The following UBXN2A variants were observed in gnomAD, a reference collection of about 807,000 sequenced individuals.
UBXN2A encodes the protein UBX domain protein 2A.
Under a neutral mutation model 28.4 loss-of-function variants are expected in UBXN2A, and 28 were observed. The observed-to-expected ratio is 0.99, with a 90% confidence interval of 0.73 to 1.35. The LOEUF (loss-of-function observed/expected upper bound fraction) is 1.35, where lower values mean the gene tolerates loss of function less well. Among genes scored for constraint, UBXN2A ranks in the 40% most tolerant of loss-of-function variants. The pLI, the probability that UBXN2A is intolerant of heterozygous loss-of-function variation, is 0.00. For missense variants in UBXN2A, 253 were observed against 297.9 expected (o/e 0.85, Z 1.11); for synonymous variants, 97 against 103.6 (o/e 0.94, Z 0.39).
intron 4 of UBXN2A, among the ~76,000 whole-genome samples, chr2:23,977,982 C>T (rs919571827): frequency 6.6e-6 from 1 of 152,036 alleles, no homozygotes; most frequent in African/African-American, 2.4e-5. Flanking sequence ...CGGGTGTGTG[C>T]CACCATGCCC....
At chr2:23,947,845 CA>C (rs974840805) in intron 1 of UBXN2A, among the ~76,000 whole-genome samples, 2 of 151,944 alleles carry the variant, frequency 1.3e-5, no homozygotes, top group South Asian at 2.1e-4. Flanking sequence ...GTATATAAAA[CA>C]TTTTTTTTTA....
chr2:23,984,821 A>C lies in UBXN2A; in HGVS notation c.574A>C (p.Ile192Leu), dbSNP rs745819152. The part of the protein sequence containing the change: ...NGKRIVQKFN[I>L]THRVSHIKDF... Reference sequence around the variant, plus strand: ...AAAAAGGATTGTCCAGAAATTTAACATTACTCATAGGTGAGTCTTCAATTT... The same window carrying C: ...AAAAAGGATTGTCCAGAAATTTAACCTTACTCATAGGTGAGTCTTCAATTT... The change falls in exon 6 of 7, where the codon ATT (isoleucine) becomes CTT (leucine). Residue 192 changes from isoleucine to leucine, a missense_variant. By Grantham distance (5) the Ile-to-Leu change is conservative (BLOSUM62 2). Coordinates refer to ENST00000309033, the MANE Select transcript of UBXN2A (RefSeq NM_181713.4). 1 of 1,550,344 alleles carries C rather than the reference A, an allele frequency of 6.5e-7. No individual in the cohort carries two copies. Among genetic ancestry groups the C allele is most frequent in the Admixed American group, 2.4e-5 (1 of 42,166 alleles).
At chr2:23,965,654 A>G (rs1707131060) in intron 2 of UBXN2A, among the ~76,000 whole-genome samples, 1 of 152,140 alleles carries the variant, frequency 6.6e-6, no homozygotes, top group African/African-American at 2.4e-5. Context: ...ATATATGTTC[A>G]TGATAAATTT....
At chr2:23,971,700 G>T (rs1297973665) in intron 3 of UBXN2A, among the ~76,000 whole-genome samples, 2 of 151,942 alleles carry the variant, frequency 1.3e-5, no homozygotes, top group Non-Finnish European at 2.9e-5. Flanking sequence ...TTGTTGCCCA[G>T]GCTGGTCTCA....
intron 1 of UBXN2A, among the ~76,000 whole-genome samples, chr2:23,931,058 T>A (rs1705352504): frequency 6.6e-6 from 1 of 151,936 alleles, no homozygotes; most frequent in Admixed American, 6.6e-5. Flanking sequence ...TCTCAGCTAC[T>A]CAGCTACTCA....
rs1706587299 is a variant in UBXN2A, at chr2:23,955,673, A to T, written c.-14-2628A>T. 2.0e-5 allele frequency among the ~76,000 whole-genome samples: 3 copies of T among 152,230 alleles called. No homozygotes were observed. The South Asian group carries it at 6.2e-4, about 31-fold the overall frequency. On this transcript the variant is annotated intron_variant, in intron 1 of 6. Coordinates refer to ENST00000309033, the MANE Select transcript of UBXN2A (RefSeq NM_181713.4). ...AGGCTACAAACCTGTACAGCATGTTACTGTACCAAATACTGTAGGCAGTTA... is the reference window on the plus strand; with the variant it reads ...AGGCTACAAACCTGTACAGCATGTTTCTGTACCAAATACTGTAGGCAGTTA...
chr2:24,001,869 G>A lies in UBXN2A; in HGVS notation c.*2002G>A, dbSNP rs1708730186. On this transcript the variant is annotated 3_prime_UTR_variant, in exon 7 of 7. Coordinates refer to ENST00000309033, the MANE Select transcript of UBXN2A (RefSeq NM_181713.4). ...CCAGCTACGTGGGAGGCTGAGGGAG[G>A]AGAATGGCTTGAACCCGGGAGGTGG... is the stretch of plus-strand genomic sequence containing the variant. The A allele has an allele frequency of 6.6e-6, 1 of 152,036 alleles. No individual in the cohort carries two copies. The highest frequency in any genetic ancestry group is 1.5e-5 in the Non-Finnish European group (1 of 68,038). The allele number at this position is 152,036 out of a possible 1,614,324, so 9.4% of individuals were successfully genotyped here.
intron 1 of UBXN2A, among the ~76,000 whole-genome samples, chr2:23,948,437 G>A (rs1706202762): frequency 6.6e-6 from 1 of 151,432 alleles, no homozygotes; most frequent in Non-Finnish European, 1.5e-5. Context: ...GTTTTTAGTA[G>A]AGACAGGGTT....
upstream of UBXN2A, among the ~76,000 whole-genome samples, chr2:23,936,296 C>G (rs926049374): frequency 6.6e-6 from 1 of 151,852 alleles, no homozygotes; most frequent in Non-Finnish European, 1.5e-5. Context: ...CTGACACATG[C>G]TATAACATGA....
chr2:23,988,752 T>G (rs1708228548), intron 6 of UBXN2A, among the ~76,000 whole-genome samples: 1 of 152,196 alleles, frequency 6.6e-6, no homozygotes, highest in Non-Finnish European at 1.5e-5. Context: ...TCAGATTGAT[T>G]GATTGATTGA....
chr2:23,940,336 G>C (rs1705680915), upstream of UBXN2A: 1 of 151,950 alleles, frequency 6.6e-6, no homozygotes, highest in Middle Eastern at 3.4e-3. Flanking sequence ...GTGGTGGGAA[G>C]GGGAGGCGGC....
chr2:23,985,529 G>A (rs904401189), intron 6 of UBXN2A, among the ~76,000 whole-genome samples: 2 of 152,016 alleles, frequency 1.3e-5, no homozygotes, highest in African/African-American at 4.8e-5. Flanking sequence ...TAGGATTACA[G>A]GAGTGAGCCA....
chr2:23,953,293 T>C (rs537443027), intron 1 of UBXN2A, among the ~76,000 whole-genome samples: 1 of 152,318 alleles, frequency 6.6e-6, no homozygotes, highest in South Asian at 2.1e-4. Context: ...TGTATAAAAA[T>C]GGAGAGAACA....
chr2:23,946,572 C>T (rs1358251304), intron 1 of UBXN2A, among the ~76,000 whole-genome samples: 1 of 152,074 alleles, frequency 6.6e-6, no homozygotes, highest in Non-Finnish European at 1.5e-5. Context: ...CCACCCGCCT[C>T]AGCCTCCTAA....
intron 4 of UBXN2A, among the ~76,000 whole-genome samples, chr2:23,979,686 C>T (rs921434663): frequency 6.6e-6 from 1 of 151,946 alleles, no homozygotes; most frequent in African/African-American, 2.4e-5. Flanking sequence ...CTCCTACCTC[C>T]GCCTCCCAAA....
rs370221395 is a variant in UBXN2A at position 23,987,674 on chromosome 2, A to T, written c.584+2843A>T. Among the ~76,000 whole-genome samples the T allele has an allele frequency of 2.0e-5, 3 of 151,598 alleles. No individual in the cohort carries two copies. The East Asian group carries it at 5.8e-4, about 29-fold the overall frequency. On this transcript the variant is annotated intron_variant, in intron 6 of 6. Coordinates refer to ENST00000309033, the MANE Select transcript of UBXN2A (RefSeq NM_181713.4). ...GTGCCTGTAGTCCCAGCTACTCGGG[A>T]GGCTGAGGCAGGAGAATGGCGTGAA... is the stretch of plus-strand genomic sequence containing the variant.
chr2:23,980,898 A>G (rs1463431580), intron 4 of UBXN2A, among the ~76,000 whole-genome samples: 1 of 152,112 alleles, frequency 6.6e-6, no homozygotes, highest in African/African-American at 2.4e-5. Context: ...CAGTGCTGGG[A>G]TTACAGGCAT....
rs1020506006 is a variant in UBXN2A at position 23,985,554 on chromosome 2, G to A, written c.584+723G>A. 2.7e-5 allele frequency among the ~76,000 whole-genome samples: 4 copies of A among 150,364 alleles called. No individual in the cohort carries two copies. In the East Asian group the frequency reaches 7.8e-4, roughly 30 times the overall value. On this transcript the variant is annotated intron_variant, in intron 6 of 6. Coordinates refer to ENST00000309033, the MANE Select transcript of UBXN2A (RefSeq NM_181713.4). ...GGAGTGAGCCACCTCGACCAGCCTG[G>A]CCAAACATTTTAATAAATAGTTCTC... is the stretch of plus-strand genomic sequence containing the variant.
chr2:23,955,922 C>T (rs1041716628), intron 1 of UBXN2A, among the ~76,000 whole-genome samples: 3 of 152,286 alleles, frequency 2.0e-5, no homozygotes, highest in Non-Finnish European at 2.9e-5. Flanking sequence ...TGGAGTGCTG[C>T]GACGCAGTCT....
Sources: gnomAD v4.1 joint callset for allele counts (sites outside exome capture counted in the v4.1 genomes callset) on GRCh38, gnomAD v4.1.1 for gene constraint, MANE v1.5 for transcripts, NCBI Gene and HGNC (gene_info 2026-07-23, HGNC 2026-07-21) for gene names.